IPO9: variants seen among roughly 807,000 people sequenced by gnomAD.
IPO9 encodes importin-9.
IPO9 carries 28 observed loss-of-function variants against 128.6 expected under a neutral mutation model. The ratio of observed to expected loss-of-function variants is 0.22; its 90% confidence interval spans 0.16 to 0.30. IPO9 has a LOEUF of 0.30. Among genes scored for constraint, IPO9 ranks in the 10% least tolerant of loss-of-function variants. The probability of loss-of-function intolerance (pLI) is 1.00; values close to 1 mark genes in which losing one functional copy is unlikely to be tolerated. For missense variants in IPO9, 935 were observed against 1,293.9 expected (o/e 0.72, Z 4.26); for synonymous variants, 455 against 475.8 (o/e 0.96, Z 0.57).
At chr1:201,835,017 A>G (rs1318820860) in intron 1 of IPO9, 1 of 152,370 alleles carries the variant, frequency 6.6e-6, no homozygotes, top group Non-Finnish European at 1.5e-5. Context: ...ACTCCTGGGC[A>G]TGTGGCGGGC....
At chr1:201,861,098 G>A (rs763101760) in intron 13 of IPO9, among the ~76,000 whole-genome samples, 21 of 152,166 alleles carry the variant, frequency 1.4e-4, no homozygotes, top group Non-Finnish European at 2.4e-4. Context: ...CCCAGGAGGC[G>A]GAGGTTGCAG....
intron 13 of IPO9, among the ~76,000 whole-genome samples, 186 bp downstream of exon 13, chr1:201,859,180 A>AATAAATATATATATATATAT (rs371428335): frequency 0.037 from 3,054 of 82,424 alleles, 362 homozygotes; most frequent in South Asian, 0.062. Flanking sequence ...CTCAAAGTAT[A>AATAAATATATATATATATAT]ATATATATAT....
rs1401507904 is a variant in IPO9 at position 201,871,304 on chromosome 1, T to C, written c.2553T>C (p.Tyr851=). Residue 851 remains tyrosine (Y), a synonymous_variant, in exon 19 of 24, where the codon TAT becomes TAC. Coordinates refer to ENST00000361565, the MANE Select transcript of IPO9 (RefSeq NM_018085.5). ...AEWTSRQHLF[Y]GQYEGKVSSV... is the part of the protein sequence containing the mutation. ...GGACAAGCCGACAGCACCTGTTCTA[T>C]GGACAGTATGAAGGCAAAGTCAGGT... is the stretch of plus-strand genomic sequence containing the variant. The C allele has an allele frequency of 6.2e-7, 1 of 1,612,404 alleles. No homozygotes were observed. The highest frequency in any genetic ancestry group is 8.5e-7 in the Non-Finnish European group (1 of 1,179,412).
In IPO9 at chr1:201,875,945, C is replaced by A. The variant is rs1680754446; in HGVS notation, c.3017C>A (p.Ala1006Glu). 6.3e-7 allele frequency: 1 copy of A among 1,595,046 alleles called. No individual in the cohort carries two copies. The highest frequency in any genetic ancestry group is 8.6e-7 in the Non-Finnish European group (1 of 1,162,634). ...TGCCACTCTTGCTCTTTCCTCCAGG[C>A]ATATCTCACAGATTTCCTCTGCCAG... Reference protein sequence around the residue: ...KDPLYQIDLQAYLTDFLCQFA... With the variant: ...KDPLYQIDLQEYLTDFLCQFA... The change falls in exon 24 of 24, where the codon GCA (alanine) becomes GAA (glutamate). Residue 1006 changes from alanine to glutamate, a missense_variant and splice_region_variant. Physicochemically the swap from Ala to Glu is moderately radical, Grantham distance 107. Coordinates refer to ENST00000361565, the MANE Select transcript of IPO9 (RefSeq NM_018085.5).
At position 201,880,074 on chromosome 1, in the gene IPO9, G is replaced by A. The variant is rs1330051136; in HGVS notation, c.*4020G>A. ...GTTTATTATGCCAGGAGGGCCAGGT[G>A]TGGTGCCACACCCATGTAATCCCAG... On this transcript the variant is annotated 3_prime_UTR_variant, in exon 24 of 24. Transcript: ENST00000361565. The A allele has an allele frequency of 6.6e-6, 1 of 152,212 alleles. No homozygotes were observed. Among genetic ancestry groups the A allele is most frequent in the African/African-American group, 2.4e-5 (1 of 41,426 alleles). The allele number at this position is 152,212 out of a possible 1,614,324, so 9.4% of individuals were successfully genotyped here.
chr1:201,852,797 G>C (rs996193752), intron 5 of IPO9, among the ~76,000 whole-genome samples: 3 of 152,102 alleles, frequency 2.0e-5, no homozygotes, highest in Non-Finnish European at 4.4e-5. Context: ...GTTCATTCCA[G>C]TAAGTTCCAA....
chr1:201,846,349 C>T (rs1558217719), intron 1 of IPO9, among the ~76,000 whole-genome samples: 1 of 152,084 alleles, frequency 6.6e-6, no homozygotes, highest in African/African-American at 2.4e-5. Context: ...TAGATGGTCC[C>T]ATGATATTTT....
intron 1 of IPO9, among the ~76,000 whole-genome samples, chr1:201,845,235 C>CG (rs1235697785): frequency 6.6e-6 from 1 of 152,174 alleles, no homozygotes; most frequent in Non-Finnish European, 1.5e-5. Flanking sequence ...AGGCTGGACT[C>CG]GAACTCCAGA....
chr1:201,855,953 A>G lies in IPO9; in HGVS notation c.1122+19A>G. ...GGAGCAGGTAAATAATATTTGAGAG[A>G]CAGTTACCATCTTGTATTTGGAAAG... On this transcript the variant is annotated intron_variant, in intron 10 of 23. Transcript: ENST00000361565. The G allele has an allele frequency of 6.4e-7, 1 of 1,555,170 alleles. No individual in the cohort carries two copies. Among genetic ancestry groups the G allele is most frequent in the Non-Finnish European group, 8.7e-7 (1 of 1,154,982 alleles).
At chr1:201,866,600 GTAGAAACTTA>G (rs1252161996) in intron 14 of IPO9, 123 bp from the exon 15 acceptor site, 12 of 635,906 alleles carry the variant, frequency 1.9e-5, no homozygotes, top group Non-Finnish European at 3.3e-5. Flanking sequence ...CCAGAAAGAA[GTAGAAACTTA>G]AACCTAACTT....
rs372891944 is a variant in IPO9, at chr1:201,852,113, G to T, written c.524G>T (p.Arg175Leu). Residue 175 changes from arginine to leucine, a missense_variant, in exon 5 of 24, where the codon CGT (arginine) becomes CTT (leucine). By Grantham distance (102) the Arg-to-Leu change is moderately radical (BLOSUM62 -2). Around this residue, in one of 3 missense-constraint regions of IPO9, gnomAD observed 741 missense variants for 1,019.1 expected, o/e 0.73. Transcript: ENST00000361565. ...ACTTTTTTCTTTGTAGAATTCACTC[G>T]TGAAGTAACAGACACACAGATGCCA... is the stretch of plus-strand genomic sequence containing the variant. The part of the protein sequence containing the change: ...GAMRVLTEFT[R>L]EVTDTQMPLV... 3.1e-6 allele frequency: 5 copies of T among 1,606,124 alleles called. No individual in the cohort carries two copies. The highest frequency in any genetic ancestry group is 2.6e-6 in the Non-Finnish European group (3 of 1,173,720).
chr1:201,857,700 CAGG>C (rs1296795550), intron 11 of IPO9, among the ~76,000 whole-genome samples: 1 of 151,326 alleles, frequency 6.6e-6, no homozygotes, highest in Non-Finnish European at 1.5e-5. Flanking sequence ...GAGGCTGACG[CAGG>C]AGAATTGCTT....
chr1:201,841,889 C>T (rs1004995751), intron 1 of IPO9, among the ~76,000 whole-genome samples: 7 of 152,120 alleles, frequency 4.6e-5, no homozygotes, highest in Non-Finnish European at 8.8e-5. Flanking sequence ...TTAGGAAAAA[C>T]AAACCATTTT....
intron 10 of IPO9, among the ~76,000 whole-genome samples, chr1:201,856,317 T>C (rs921901134): frequency 1.1e-4 from 16 of 152,088 alleles, no homozygotes; most frequent in African/African-American, 3.6e-4. Flanking sequence ...CCTAAGACAC[T>C]GATTTTTAGG....
Position 201,858,782 on chromosome 1 carries a change from A to G in IPO9, c.1329-73A>G, listed in dbSNP as rs182910817. On this transcript the variant is annotated intron_variant, in intron 12 of 23. Coordinates refer to ENST00000361565, the MANE Select transcript of IPO9 (RefSeq NM_018085.5). ...ATTGTGCTGGAGTGCCCTTTTCTGA[A>G]TCTTGTTTCCTCAAATATTTATCTC... 1,665 of 1,495,002 alleles carry G rather than the reference A, an allele frequency of 1.1e-3. 5 individuals carry two copies. The highest frequency in any genetic ancestry group is 1.2e-3 in the Non-Finnish European group (1,338 of 1,099,720). 92.6% of individuals were successfully genotyped at this position (1,495,002 alleles called of 1,614,324 possible).
At chr1:201,833,171 G>A (rs745730681) in intron 1 of IPO9, among the ~76,000 whole-genome samples, 14 of 151,996 alleles carry the variant, frequency 9.2e-5, no homozygotes, top group South Asian at 2.1e-4. Context: ...TTCATGTAGC[G>A]TGTCAATCTG....
At chr1:201,852,566 T>C (rs1016308071) in intron 5 of IPO9, among the ~76,000 whole-genome samples, 12 of 152,182 alleles carry the variant, frequency 7.9e-5, no homozygotes, top group African/African-American at 2.9e-4. Flanking sequence ...AATAGACCCT[T>C]AATATATTGC....
In IPO9 at chr1:201,875,246, T is replaced by TA; in HGVS notation, c.3015+19dup. On this transcript the variant is annotated intron_variant, in intron 23 of 23. Coordinates refer to ENST00000361565, the MANE Select transcript of IPO9 (RefSeq NM_018085.5). ...ATCTGCAGGTGAGGGTGTCCAGAGA[T>TA]ATCTTGCAAATGACAATGTCCCAGG... is the stretch of plus-strand genomic sequence containing the variant. 1 of 1,604,358 alleles carries TA rather than the reference T, an allele frequency of 6.2e-7. No individual in the cohort carries two copies. Among genetic ancestry groups the TA allele is most frequent in the East Asian group, 2.2e-5 (1 of 44,822 alleles).
In IPO9 at chr1:201,877,944, AAG is replaced by A. The variant is rs1680807947; in HGVS notation, c.*1892_*1893del. The A allele has an allele frequency of 6.6e-6, 1 of 152,074 alleles. No individual in the cohort carries two copies. The highest frequency in any genetic ancestry group is 1.5e-5 in the Non-Finnish European group (1 of 68,016). 9.4% of individuals were successfully genotyped at this position (152,074 alleles called of 1,614,324 possible). On this transcript the variant is annotated 3_prime_UTR_variant, in exon 24 of 24. Transcript: ENST00000361565. Reference sequence around the variant, plus strand: ...CTCTGTCTCAAAAAAAAAAAAGAGAAAGAATATAAAGTGAATCTGAATCTCCA... The same window carrying A: ...CTCTGTCTCAAAAAAAAAAAAGAGAAAATATAAAGTGAATCTGAATCTCCA...
Sources: allele counts gnomAD v4.1 joint callset (sites outside exome capture counted in the v4.1 genomes callset), GRCh38; gene constraint gnomAD v4.1.1; regional missense constraint gnomAD v4.1.1; transcripts MANE v1.5; gene names NCBI Gene and HGNC (gene_info 2026-07-23, HGNC 2026-07-21).